Variants in SHOC1 observed in about 807,000 individuals in gnomAD.
The protein encoded by SHOC1 is protein shortage in chiasmata 1 ortholog.
In SHOC1, 136 loss-of-function variants were observed where a neutral mutation model predicts 179.2. The ratio of observed to expected loss-of-function variants is 0.76; its 90% CI spans 0.66 to 0.87. The LOEUF is 0.87. Among genes scored for constraint, SHOC1 ranks in the 40% least tolerant of loss-of-function variants. SHOC1 has a pLI of 0.00. For synonymous variants in SHOC1, 489 were observed against 586.6 expected (o/e 0.83, Z 2.41); for missense variants, 1,538 against 1,700.8 (o/e 0.90, Z 1.68).
chr9:111,759,038 A>G (rs1390841330), intron 5 of SHOC1, 190 bp from the exon 6 acceptor site: 2 of 1,151,908 alleles, frequency 1.7e-6, no homozygotes, highest in East Asian at 2.4e-5. Context: ...CAAAAGTACA[A>G]TAAATTTTAG....
At chr9:111,727,226 A>C (rs967839620) in intron 13 of SHOC1, among the ~76,000 whole-genome samples, 3 of 152,196 alleles carry the variant, frequency 2.0e-5, no homozygotes, top group African/African-American at 7.2e-5. Context: ...TTAAGTAGAC[A>C]GAAAGTTTTC....
rs1296700159 is a variant in SHOC1 at position 111,718,234 on chromosome 9, A to G, written c.2186T>C (p.Leu729Pro). Residue 729 changes from leucine (L) to proline (P), a missense_variant, in exon 16 of 28, where the codon CTG becomes CCG. Coordinates refer to ENST00000682961, the MANE Select transcript of SHOC1 (RefSeq NM_001378211.1). ...TFKHAALLHL[L>P]VTIRDVLLTC... ...TAAAAGGACATCTCTAATTGTTACC[A>G]GAAGATGTAAGAGAGCGGCATGCTT... 6.2e-7 allele frequency: 1 copy of G among 1,600,360 alleles called. No individual in the cohort carries two copies. Among genetic ancestry groups the G allele is most frequent in the East Asian group, 2.3e-5 (1 of 44,068 alleles).
intron 9 of SHOC1, 95 bp from the exon 10 acceptor site, chr9:111,746,437 G>A: frequency 2.9e-6 from 2 of 688,596 alleles, no homozygotes; most frequent in Non-Finnish European, 5.0e-6. Flanking sequence ...CACTTTGGGA[G>A]GCTGAGGTAG....
At chr9:111,755,222 G>A (rs900752755) in intron 8 of SHOC1, among the ~76,000 whole-genome samples, 12 of 152,140 alleles carry the variant, frequency 7.9e-5, no homozygotes, top group African/African-American at 2.7e-4. Flanking sequence ...TGAGATTTGT[G>A]TCCTGCCAAT....
chr9:111,758,087 A>T lies in SHOC1; in HGVS notation c.705T>A (p.Asn235Lys). 6.8e-7 allele frequency: 1 copy of T among 1,472,744 alleles called. No individual in the cohort carries two copies. Among genetic ancestry groups the T allele is most frequent in the African/African-American group, 1.4e-5 (1 of 71,076 alleles). The allele number at this position is 1,472,744 out of a possible 1,614,324, so 91.2% of individuals were successfully genotyped here. ...QEKLEDTICL[N>K]EPSSFLIEYE... The stretch of plus-strand genomic sequence containing the variant: ...TATTGAAAGCCAGTATTACAACCTC[A>T]TTTAAACATATTGTATCTTCTAGTT... Residue 235 changes from asparagine (N) to lysine (K), a missense_variant, in exon 7 of 28, where the codon AAT becomes AAA. Transcript: ENST00000682961.
rs754287041 is a variant in SHOC1 at position 111,705,207 on chromosome 9, AATGT to A, written c.2855+36_2855+39del. On this transcript the variant is annotated intron_variant, in intron 21 of 27. Coordinates refer to ENST00000682961, the MANE Select transcript of SHOC1 (RefSeq NM_001378211.1). The stretch of plus-strand genomic sequence containing the variant: ...CACACACACACACACATATATATAT[AATGT>A]ACACTTTTGTTAAAATTGTGAAATC... 3.2e-5 allele frequency: 31 copies of A among 964,632 alleles called. No homozygotes were observed. In the East Asian group the frequency reaches 7.5e-4, roughly 23 times the overall value. The allele number at this position is 964,632 out of a possible 1,614,324, so 59.8% of individuals were successfully genotyped here.
chr9:111,741,023 G>T (rs2131497813), intron 11 of SHOC1, among the ~76,000 whole-genome samples: 1 of 152,292 alleles, frequency 6.6e-6, no homozygotes, highest in Admixed American at 6.5e-5. Flanking sequence ...CCGACTAGCT[G>T]GGACTAAAGG....
At chr9:111,738,628 T>TAAAA in intron 11 of SHOC1, 106 bp from the exon 12 acceptor site, 3 of 1,032,402 alleles carry the variant, frequency 2.9e-6, no homozygotes, top group African/African-American at 1.7e-5. Context: ...AATGCATTTT[T>TAAAA]ATGCATTAGA....
chr9:111,790,225 G>A (rs890748684), intron 2 of SHOC1, among the ~76,000 whole-genome samples: 1 of 152,164 alleles, frequency 6.6e-6, no homozygotes, highest in Non-Finnish European at 1.5e-5. Context: ...AATCATAGTA[G>A]GATGGTGCAA....
chr9:111,686,939 C>CTTTTTTTTTTTT (rs10537471), intron 27 of SHOC1, 69 bp from the exon 28 acceptor site: 5 of 498,934 alleles, frequency 1.0e-5, no homozygotes, highest in African/African-American at 2.2e-5. Context: ...TTTTCTTTTC[C>CTTTTTTTTTTTT]TTTTTTTTTT....
At chr9:111,768,132 T>A (rs1436115660) in intron 5 of SHOC1, among the ~76,000 whole-genome samples, 2 of 152,140 alleles carry the variant, frequency 1.3e-5, no homozygotes, top group Non-Finnish European at 2.9e-5. Context: ...TATTTTATAT[T>A]TTTTGTAGCT....
At chr9:111,717,036 T>C (rs1750909296) in intron 16 of SHOC1, among the ~76,000 whole-genome samples, 2 of 152,226 alleles carry the variant, frequency 1.3e-5, no homozygotes, top group African/African-American at 2.4e-5. Context: ...AACAGTGAGA[T>C]TGGTTATTAC....
chr9:111,769,203 G>T (rs775271842), intron 5 of SHOC1, among the ~76,000 whole-genome samples: 2 of 152,016 alleles, frequency 1.3e-5, no homozygotes, highest in Non-Finnish European at 2.9e-5. Context: ...GTTGATATTG[G>T]TCTGTAGTTT....
At chr9:111,793,569 C>T (rs939092123) in intron 1 of SHOC1, among the ~76,000 whole-genome samples, 8 of 151,740 alleles carry the variant, frequency 5.3e-5, no homozygotes, top group Non-Finnish European at 8.8e-5. Context: ...GAAGCAAAAA[C>T]GATACATTGC....
chr9:111,778,996 G>T (rs987333494), intron 4 of SHOC1, among the ~76,000 whole-genome samples: 1 of 151,590 alleles, frequency 6.6e-6, no homozygotes, highest in African/African-American at 2.4e-5. Flanking sequence ...CTACTCAGGA[G>T]GCTGATGTAC....
intron 9 of SHOC1, among the ~76,000 whole-genome samples, chr9:111,747,237 C>T (rs1834330473): frequency 6.6e-6 from 1 of 151,930 alleles, no homozygotes; most frequent in African/African-American, 2.4e-5. Flanking sequence ...ATAGATAATT[C>T]AGAAGATCCA....
Position 111,707,915 on chromosome 9 carries a change from A to C in SHOC1, c.2498T>G (p.Leu833Arg), listed in dbSNP as rs1832354005. Residue 833 changes from leucine to arginine, a missense_variant, in exon 19 of 28, where the codon CTG becomes CGG. Transcript: ENST00000682961. ...TCTTTCATTTGAATGAAGGACAGTC[A>C]GTGTTAAACCTGTTGGAAAAAAGAA... ...KILNKIEGLT[L>R]TVLHSNERKD... The C allele has an allele frequency of 6.4e-7, 1 of 1,573,700 alleles. No homozygotes were observed. Among genetic ancestry groups the C allele is most frequent in the South Asian group, 1.2e-5 (1 of 83,782 alleles).
intron 4 of SHOC1, among the ~76,000 whole-genome samples, chr9:111,777,408 A>G (rs1835877063): frequency 1.3e-5 from 2 of 151,712 alleles, no homozygotes; most frequent in South Asian, 4.2e-4. Flanking sequence ...TCATACACTA[A>G]ATTCCTTCCC....
chr9:111,733,129 A>ATG (rs1833660493), intron 12 of SHOC1, among the ~76,000 whole-genome samples: 1 of 152,166 alleles, frequency 6.6e-6, no homozygotes. Flanking sequence ...AGTTCATTTT[A>ATG]TGTAAATTAT....
Sources: gnomAD v4.1 joint callset for allele counts (sites outside exome capture counted in the v4.1 genomes callset) on GRCh38, gnomAD v4.1.1 for gene constraint, MANE v1.5 for transcripts, NCBI Gene and HGNC (gene_info 2026-07-23, HGNC 2026-07-21) for gene names.